CAMTA1: variants seen among roughly 807,000 people sequenced by gnomAD.
CAMTA1 encodes the protein calmodulin-binding transcription activator 1.
A neutral mutation model predicts 170.9 loss-of-function variants in CAMTA1; 27 were observed. The ratio of observed to expected loss-of-function variants is 0.16; its 90% confidence interval spans 0.12 to 0.22. The LOEUF (loss-of-function observed/expected upper bound fraction) is 0.22, where lower values mean the gene tolerates loss of function less well. Among genes scored for constraint, CAMTA1 ranks in the 10% least tolerant of loss-of-function variants. The pLI is 1.00. For synonymous variants in CAMTA1, 833 were observed against 891.5 expected, an observed-to-expected ratio of 0.93 and a Z score of 1.17; for missense variants, 1,619 against 2,217.2, an observed-to-expected ratio of 0.73 and a Z score of 5.42.
rs1225266860 is a variant in CAMTA1, at chr1:7,685,456, T to C, written c.2914+7723T>C. Among the ~76,000 whole-genome samples, 1 of 152,060 alleles carries C rather than the reference T, an allele frequency of 6.6e-6. No homozygotes were observed. Among genetic ancestry groups the C allele is most frequent in the African/African-American group, 2.4e-5 (1 of 41,396 alleles). ...CATCCCTGTGGACCCCACGGCCTGA[T>C]TGTCTTCATTCCACTTGAGGACTCC... On this transcript the variant is annotated intron_variant, in intron 11 of 22. Transcript: ENST00000303635. The surrounding 1 kb of genome is among the most constrained non-coding windows in gnomAD (Gnocchi z 5.7).
chr1:7,427,886 T>C (rs773107925), intron 5 of CAMTA1, among the ~76,000 whole-genome samples: 7 of 152,148 alleles, frequency 4.6e-5, no homozygotes, highest in Non-Finnish European at 1.0e-4. Context: ...TTCCAGAATA[T>C]TCTCAGGGCC....
intron 11 of CAMTA1, among the ~76,000 whole-genome samples, chr1:7,703,006 G>C (rs1432257912): frequency 3.3e-5 from 5 of 152,200 alleles, no homozygotes; most frequent in Non-Finnish European, 7.3e-5. Context: ...CACACAGCTA[G>C]CAACGAGCCC....
intron 3 of CAMTA1, among the ~76,000 whole-genome samples, chr1:7,013,209 C>CTTTTTTCTTTT: frequency 1.2e-5 from 1 of 84,206 alleles, no homozygotes; most frequent in African/African-American, 5.3e-5. Flanking sequence ...TGCCCTTCTT[C>CTTTTTTCTTTT]TTTTTTTTTT....
chr1:7,031,001 ATTTTTTT>A (rs58953861), intron 3 of CAMTA1, among the ~76,000 whole-genome samples: 1 of 100,058 alleles, frequency 1.0e-5, no homozygotes, highest in Non-Finnish European at 1.9e-5. Context: ...TGCCCAGCTA[ATTTTTTT>A]TTTTTTTTTT....
At chr1:7,356,842 C>G (rs1029567610) in intron 5 of CAMTA1, among the ~76,000 whole-genome samples, 2 of 152,168 alleles carry the variant, frequency 1.3e-5, no homozygotes, top group Non-Finnish European at 2.9e-5. Context: ...CCTTGGTTCC[C>G]TTCTCTGAGA....
rs149672407 is a variant in CAMTA1, at chr1:6,841,722, C to G, written c.234+16512C>G. On this transcript the variant is annotated intron_variant, in intron 3 of 22. Transcript: ENST00000303635. ...GAAGGAAGGGGCATTAGTGTAGTGT[C>G]TACTGGAAGAGATTAACTGGATGAA... Among the ~76,000 whole-genome samples the G allele has an allele frequency of 1.7e-3, 259 of 152,158 alleles. 1 individual carries two copies. The highest frequency in any genetic ancestry group is 3.7e-3 in the Admixed American group (57 of 15,290).
At chr1:7,551,537 A>G (rs1410782516) in intron 6 of CAMTA1, among the ~76,000 whole-genome samples, 3 of 152,124 alleles carry the variant, frequency 2.0e-5, no homozygotes, top group Non-Finnish European at 4.4e-5. Context: ...TCCTGTGTCC[A>G]TCGGGTCACG....
intron 6 of CAMTA1, among the ~76,000 whole-genome samples, chr1:7,490,066 T>C (rs1193233): frequency 0.58 from 88,628 of 152,084 alleles, 26,456 homozygotes; most frequent in East Asian, 0.74. Flanking sequence ...CAGCCTCTGC[T>C]TCAGGGTGAC....
At chr1:7,340,005 G>A (rs186470532) in intron 5 of CAMTA1, among the ~76,000 whole-genome samples, 5 of 152,196 alleles carry the variant, frequency 3.3e-5, no homozygotes, top group Admixed American at 3.3e-4. Flanking sequence ...CCAATGATAG[G>A]GCCCCAGACA....
rs1046638680 is a variant in CAMTA1 at position 7,044,535 on chromosome 1, A to T, written c.235-46769A>T. Among the ~76,000 whole-genome samples, 12 of 152,212 alleles carry T rather than the reference A, an allele frequency of 7.9e-5. No homozygotes were observed. Among genetic ancestry groups the T allele is most frequent in the Admixed American group, 2.0e-4 (3 of 15,290 alleles). On this transcript the variant is annotated intron_variant, in intron 3 of 22. Transcript: ENST00000303635. This position sits in a 1 kb window ranked among gnomAD's most constrained non-coding sequence, Gnocchi z 5.0. The stretch of plus-strand genomic sequence containing the variant: ...AGCAGGGCCATAAGCATCTGAGGCT[A>T]GGAAGGCACATGCGTGATTAGCAGA...
At position 7,224,645 on chromosome 1, in the gene CAMTA1, G is replaced by A. The variant is rs1331923278; in HGVS notation, c.303-24846G>A. Among the ~76,000 whole-genome samples, 3 of 152,062 alleles carry A rather than the reference G, an allele frequency of 2.0e-5. No individual in the cohort carries two copies. Among genetic ancestry groups the A allele is most frequent in the African/African-American group, 4.8e-5 (2 of 41,398 alleles). ...TCAAGCGGGGTCCCAGGTTGGAGGC[G>A]TGACACCCGCGCCTCTCCGCTGGTG... is the stretch of plus-strand genomic sequence containing the variant. On this transcript the variant is annotated intron_variant, in intron 4 of 22. Transcript: ENST00000303635. This position sits in a 1 kb window ranked among gnomAD's most constrained non-coding sequence, Gnocchi z 5.2.
intron 5 of CAMTA1, among the ~76,000 whole-genome samples, chr1:7,427,984 A>G (rs1240108683): frequency 6.6e-6 from 1 of 152,158 alleles, no homozygotes; most frequent in African/African-American, 2.4e-5. Flanking sequence ...CTGGCAAGGG[A>G]GGCTCCAGGA....
intron 3 of CAMTA1, among the ~76,000 whole-genome samples, chr1:6,928,095 C>A (rs935787201): frequency 1.3e-4 from 20 of 152,190 alleles, no homozygotes; most frequent in Admixed American, 3.9e-4. Context: ...ACCCAGCCAC[C>A]AGCGCTGGAA....
intron 6 of CAMTA1, among the ~76,000 whole-genome samples, chr1:7,637,363 C>CA (rs2095720396): frequency 1.3e-5 from 2 of 152,232 alleles, no homozygotes; most frequent in African/African-American, 4.8e-5. Flanking sequence ...CTGGCCCCTG[C>CA]AGTCCTTTGA....
chr1:7,648,291 C>T (rs1190091427), intron 7 of CAMTA1, among the ~76,000 whole-genome samples: 1 of 151,740 alleles, frequency 6.6e-6, no homozygotes, highest in East Asian at 1.9e-4. Context: ...ACTTGGTAGG[C>T]TGAGGCAGGA....
chr1:7,307,559 A>G (rs980775751), intron 5 of CAMTA1, among the ~76,000 whole-genome samples: 27 of 151,984 alleles, frequency 1.8e-4, no homozygotes, highest in African/African-American at 6.5e-4. Flanking sequence ...ATTAAGTATA[A>G]AGTTAGTTGT....
At chr1:7,310,647 T>TCTTTCTTTTC (rs61161982) in intron 5 of CAMTA1, among the ~76,000 whole-genome samples, 4 of 49,178 alleles carry the variant, frequency 8.1e-5, no homozygotes, top group African/African-American at 3.2e-4. Context: ...TTTCTTTCTT[T>TCTTTCTTTTC]TTTCTTTCTT....
At chr1:7,671,439 C>T (rs901289630) in intron 10 of CAMTA1, among the ~76,000 whole-genome samples, 30 of 152,178 alleles carry the variant, frequency 2.0e-4, no homozygotes, top group African/African-American at 6.3e-4. Context: ...TGCACCTGCC[C>T]GTGCCTCCCA....
At chr1:6,969,354 G>T (rs1197185218) in intron 3 of CAMTA1, among the ~76,000 whole-genome samples, 1 of 152,206 alleles carries the variant, frequency 6.6e-6, no homozygotes, top group Admixed American at 6.5e-5. Context: ...AAGGAACGCT[G>T]CAGAAGTAAA....
Sources: allele counts gnomAD v4.1 joint callset (sites outside exome capture counted in the v4.1 genomes callset), GRCh38; gene constraint gnomAD v4.1.1; non-coding constraint Gnocchi (gnomAD v3.1); transcripts MANE v1.5; gene names NCBI Gene and HGNC (gene_info 2026-07-23, HGNC 2026-07-21).